Variants in BCAS3 observed in about 807,000 individuals in gnomAD.
BCAS3 encodes the protein BCAS4/BCAS3 fusion.
A neutral mutation model predicts 116.1 loss-of-function variants in BCAS3; 53 were observed. That is an observed-to-expected ratio of 0.46 (90% CI 0.37 to 0.57). BCAS3 has a LOEUF of 0.57. Ranked by LOEUF, BCAS3 falls within the 20% of genes least tolerant of loss-of-function variation. BCAS3 has a pLI of 0.00. For synonymous variants in BCAS3, 391 were observed against 408.2 expected (o/e 0.96, Z 0.51); for missense variants, 917 against 1,165.4 (o/e 0.79, Z 3.10).
rs1298517915 is a variant in BCAS3 at position 61,077,490 on chromosome 17, C to G, written c.2131-843C>G. Among the ~76,000 whole-genome samples the G allele has an allele frequency of 6.6e-6, 1 of 151,958 alleles. No homozygotes were observed. The highest frequency in any genetic ancestry group is 1.9e-4 in the East Asian group (1 of 5,178). ...GGAGATCACGCCACTGCACTCCAGT[C>G]TGGGCAACAGAGCGAGACTCCGTCT... On this transcript the variant is annotated intron_variant, in intron 20 of 23. Coordinates refer to ENST00000407086, the MANE Select transcript of BCAS3 (RefSeq NM_017679.5). This position sits in a 1 kb window ranked among gnomAD's most constrained non-coding sequence, Gnocchi z 4.3.
At chr17:60,976,137 C>T (rs1410870393) in intron 14 of BCAS3, among the ~76,000 whole-genome samples, 1 of 147,144 alleles carries the variant, frequency 6.8e-6, no homozygotes, top group Non-Finnish European at 1.5e-5. Context: ...CATTCTCCTG[C>T]CTCAGCCTCC....
At chr17:61,257,733 T>C (rs185550957) in intron 22 of BCAS3, among the ~76,000 whole-genome samples, 99 of 152,348 alleles carry the variant, frequency 6.5e-4, no homozygotes, top group Middle Eastern at 3.4e-3. Flanking sequence ...ATATGATTCT[T>C]CTCTGTGATA....
In BCAS3 at chr17:61,279,427, T is replaced by C. The variant is rs1336774962; in HGVS notation, c.2426-88900T>C. Reference sequence around the variant, plus strand: ...GGCAGGTTTGTGCACAGATCAGGGGTTCCATTCCATTCCTTATTATTTGGG... The same window carrying C: ...GGCAGGTTTGTGCACAGATCAGGGGCTCCATTCCATTCCTTATTATTTGGG... On this transcript the variant is annotated intron_variant, in intron 22 of 23. Coordinates refer to ENST00000407086, the MANE Select transcript of BCAS3 (RefSeq NM_017679.5). The surrounding 1 kb of genome is among the most constrained non-coding windows in gnomAD (Gnocchi z 4.4). 6.6e-6 allele frequency among the ~76,000 whole-genome samples: 1 copy of C among 151,986 alleles called. No homozygotes were observed. Among genetic ancestry groups the C allele is most frequent in the Non-Finnish European group, 1.5e-5 (1 of 67,996 alleles).
rs1017971441 is a variant in BCAS3, at chr17:61,235,036, C to T, written c.2426-133291C>T. On this transcript the variant is annotated intron_variant, in intron 22 of 23. Transcript: ENST00000407086. The surrounding 1 kb of genome is among the most constrained non-coding windows in gnomAD (Gnocchi z 5.0). ...CCGAGTAGCTGGGACTATAGGCGCA[C>T]GCCACCACTCCTGGCTAAGTTTTGT... 5.3e-5 allele frequency among the ~76,000 whole-genome samples: 8 copies of T among 152,046 alleles called. No homozygotes were observed. Among genetic ancestry groups the T allele is most frequent in the South Asian group, 4.2e-4 (2 of 4,814 alleles).
intron 18 of BCAS3, among the ~76,000 whole-genome samples, chr17:61,038,675 T>G (rs979266076): frequency 2.0e-4 from 29 of 145,238 alleles, no homozygotes; most frequent in African/African-American, 5.5e-4. Context: ...TTTGTTTTTT[T>G]TTTTTTTTTT....
chr17:60,780,956 A>AT, intron 6 of BCAS3, among the ~76,000 whole-genome samples: 1 of 151,788 alleles, frequency 6.6e-6, no homozygotes, highest in Non-Finnish European at 1.5e-5. Flanking sequence ...GTTCTGTTTT[A>AT]TTTTTTGTCT....
At chr17:60,816,648 CAAAAT>C (rs915969784) in intron 7 of BCAS3, among the ~76,000 whole-genome samples, 1 of 151,970 alleles carries the variant, frequency 6.6e-6, no homozygotes, top group African/African-American at 2.4e-5. Flanking sequence ...CAGTCAAAGT[CAAAAT>C]AAAAATACAG....
At position 60,961,238 on chromosome 17, in the gene BCAS3, A is replaced by G. The variant is rs955179773; in HGVS notation, c.1221+13886A>G. ...AATTTTGTCATTTAGCTATGATGGA[A>G]TGATAGGAACTGGATTAAACCTCTG... On this transcript the variant is annotated intron_variant, in intron 14 of 23. Coordinates refer to ENST00000407086, the MANE Select transcript of BCAS3 (RefSeq NM_017679.5). The surrounding 1 kb of genome is among the most constrained non-coding windows in gnomAD (Gnocchi z 4.8). Among the ~76,000 whole-genome samples the G allele has an allele frequency of 6.6e-6, 1 of 152,196 alleles. No homozygotes were observed. Among genetic ancestry groups the G allele is most frequent in the Non-Finnish European group, 1.5e-5 (1 of 68,040 alleles).
rs1245217100 is a variant in BCAS3, at chr17:61,368,990, A to G, written c.2593+496A>G. Among the ~76,000 whole-genome samples, 2 of 152,122 alleles carry G rather than the reference A, an allele frequency of 1.3e-5. No individual in the cohort carries two copies. Among genetic ancestry groups the G allele is most frequent in the Admixed American group, 1.3e-4 (2 of 15,274 alleles). Reference sequence around the variant, plus strand: ...TTCTTGCCTCTGAGCGAGTCCAGCAACTAGGGTCTGGGTGGCTTCCTGCAT... The same window carrying G: ...TTCTTGCCTCTGAGCGAGTCCAGCAGCTAGGGTCTGGGTGGCTTCCTGCAT... On this transcript the variant is annotated intron_variant, in intron 23 of 23. Transcript: ENST00000407086. The surrounding 1 kb of genome is among the most constrained non-coding windows in gnomAD (Gnocchi z 6.0).
At chr17:61,195,967 A>G (rs2080455006) in intron 22 of BCAS3, among the ~76,000 whole-genome samples, 1 of 152,264 alleles carries the variant, frequency 6.6e-6, no homozygotes, top group African/African-American at 2.4e-5. Flanking sequence ...TTAAAGTATA[A>G]GGATCTAGAA....
chr17:61,191,135 T>A (rs779937000), intron 22 of BCAS3, among the ~76,000 whole-genome samples: 56 of 151,008 alleles, frequency 3.7e-4, no homozygotes, highest in Non-Finnish European at 3.4e-4. Context: ...AAAAATAATT[T>A]AAAAAAAAAT....
At position 61,350,414 on chromosome 17, in the gene BCAS3, CAATAAATAAATAAATA is replaced by C. The variant is rs55888678; in HGVS notation, c.2426-17885_2426-17870del. On this transcript the variant is annotated intron_variant, in intron 22 of 23. Coordinates refer to ENST00000407086, the MANE Select transcript of BCAS3 (RefSeq NM_017679.5). ...TGGGCGACAGAGCGAGACTCTGTCT[CAATAAATAAATAAATA>C]AATAAATAAATAAATAAATAAATAA... Among the ~76,000 whole-genome samples the C allele has an allele frequency of 1.2e-4, 16 of 136,760 alleles. No homozygotes were observed. The South Asian group carries it at 2.5e-3, about 22-fold the overall frequency. 89.7% of individuals were successfully genotyped at this position (136,760 alleles called of 152,430 possible). A position where few individuals can be genotyped will look rare whatever the true frequency, so the allele number is the denominator to read the frequency against.
Position 60,961,677 on chromosome 17 carries a change from T to TA in BCAS3, c.1221+14326dup, listed in dbSNP as rs1242131456. ...AAGTGTACAGTTCAGTGGTAATAAA[T>TA]ACATTTCTATTCCTTTTCTTCCCCT... is the stretch of plus-strand genomic sequence containing the variant. On this transcript the variant is annotated intron_variant, in intron 14 of 23. Transcript: ENST00000407086. This position sits in a 1 kb window ranked among gnomAD's most constrained non-coding sequence, Gnocchi z 4.8. Among the ~76,000 whole-genome samples, 2 of 152,080 alleles carry TA rather than the reference T, an allele frequency of 1.3e-5. No homozygotes were observed. The highest frequency in any genetic ancestry group is 2.9e-5 in the Non-Finnish European group (2 of 68,012).
rs182762566 is a variant in BCAS3, at chr17:61,364,917, T to C, written c.2426-3410T>C. 6.6e-6 allele frequency among the ~76,000 whole-genome samples: 1 copy of C among 152,322 alleles called. No homozygotes were observed. ...GTACCTCTACGACCTCTCAGGATCA[T>C]TATGATAGTCAGAATTTATGATGAT... On this transcript the variant is annotated intron_variant, in intron 22 of 23. Coordinates refer to ENST00000407086, the MANE Select transcript of BCAS3 (RefSeq NM_017679.5). This position sits in a 1 kb window ranked among gnomAD's most constrained non-coding sequence, Gnocchi z 5.4.
At chr17:60,877,653 C>T (rs1599366467) in intron 9 of BCAS3, among the ~76,000 whole-genome samples, 1 of 152,158 alleles carries the variant, frequency 6.6e-6, no homozygotes, top group Non-Finnish European at 1.5e-5. Flanking sequence ...AAGAAGAGAT[C>T]TAGAGGGATC....
chr17:61,338,450 C>CT (rs914993524), intron 22 of BCAS3, among the ~76,000 whole-genome samples: 9 of 143,454 alleles, frequency 6.3e-5, no homozygotes, highest in East Asian at 2.4e-4. Flanking sequence ...AACTTCTCTG[C>CT]TTTTTTTAGC....
chr17:61,340,697 A>T (rs567217022), intron 22 of BCAS3, among the ~76,000 whole-genome samples: 5 of 152,282 alleles, frequency 3.3e-5, no homozygotes, highest in African/African-American at 1.2e-4. Context: ...GGCCAAGGGA[A>T]AGAGGGATGC....
Position 61,047,265 on chromosome 17 carries a change from T to A in BCAS3, c.2029+6373T>A, listed in dbSNP as rs535999435. Among the ~76,000 whole-genome samples, 7 of 152,112 alleles carry A rather than the reference T, an allele frequency of 4.6e-5. No homozygotes were observed. In the South Asian group the frequency reaches 1.5e-3, roughly 32 times the overall value. On this transcript the variant is annotated intron_variant, in intron 19 of 23. Transcript: ENST00000407086. ...TTTTGGTGTATTGTAAATTAGATCA[T>A]ACTAGAATGTTCCATACAGAGGTCA... is the stretch of plus-strand genomic sequence containing the variant.
chr17:60,807,911 TCTC>T (rs1341433630), intron 6 of BCAS3, 90 bp from the exon 7 acceptor site: 1 of 863,866 alleles, frequency 1.2e-6, no homozygotes, highest in Non-Finnish European at 1.8e-6. Flanking sequence ...AATGAATACT[TCTC>T]CTTTTCAAGT....
Sources: allele counts gnomAD v4.1 joint callset (sites outside exome capture counted in the v4.1 genomes callset), GRCh38; gene constraint gnomAD v4.1.1; non-coding constraint Gnocchi (gnomAD v3.1); transcripts MANE v1.5; gene names NCBI Gene and HGNC (gene_info 2026-07-23, HGNC 2026-07-21).